WWOX: variants seen among roughly 807,000 people sequenced by gnomAD.
The protein encoded by WWOX is WW domain containing oxidoreductase, also known as WW domain-containing oxidoreductase.
In WWOX, 69 loss-of-function variants were observed where a neutral mutation model predicts 46.2. The observed-to-expected ratio is 1.49, with a 90% CI of 1.23 to 1.82. WWOX has a LOEUF of 1.82. WWOX is among the 40% of genes most tolerant of loss of function. The probability of loss-of-function intolerance (pLI) is 0.00; values close to 1 mark genes in which losing one functional copy is unlikely to be tolerated. For synonymous variants in WWOX, 359 were observed against 202.6 expected, an observed-to-expected ratio of 1.77 and a Z score of -6.56; for missense variants, 919 against 542.6, an observed-to-expected ratio of 1.69 and a Z score of -6.89.
chr16:78,915,366 G>A (rs1054300626), intron 8 of WWOX, among the ~76,000 whole-genome samples: 5 of 152,124 alleles, frequency 3.3e-5, no homozygotes, highest in African/African-American at 9.7e-5. Flanking sequence ...CCCTTTCACG[G>A]GAGGCTGGGA....
intron 8 of WWOX, among the ~76,000 whole-genome samples, chr16:78,719,408 G>A (rs2048642010): frequency 6.6e-6 from 1 of 152,224 alleles, no homozygotes; most frequent in South Asian, 2.1e-4. Context: ...ATAATCAGAA[G>A]CTTGCCTTAC....
chr16:78,501,771 A>C (rs894769282), intron 8 of WWOX, among the ~76,000 whole-genome samples: 1 of 152,088 alleles, frequency 6.6e-6, no homozygotes, highest in African/African-American at 2.4e-5. Flanking sequence ...TCCTGACCTG[A>C]AGTGATCCAC....
At chr16:78,870,411 G>C (rs145993661) in intron 8 of WWOX, among the ~76,000 whole-genome samples, 1 of 151,922 alleles carries the variant, frequency 6.6e-6, no homozygotes, top group African/African-American at 2.4e-5. Flanking sequence ...GAAGACTAAG[G>C]TCCAAGCTTG....
rs527573124 is a variant in WWOX, at chr16:78,590,050, A to T, written c.1056+157298A>T. Among the ~76,000 whole-genome samples the T allele has an allele frequency of 1.8e-3, 270 of 152,310 alleles. 2 individuals are homozygous for T. Among genetic ancestry groups the T allele is most frequent in the African/African-American group, 6.2e-3 (259 of 41,576 alleles). On this transcript the variant is annotated intron_variant, in intron 8 of 8. Transcript: ENST00000566780. The stretch of plus-strand genomic sequence containing the variant: ...ACGCACTGTGATAAGTCCTAGGATT[A>T]TAGAAGTCAATAAGCTATGATGCCT...
chr16:78,769,211 A>C (rs1366185397), intron 8 of WWOX, among the ~76,000 whole-genome samples: 1 of 152,212 alleles, frequency 6.6e-6, no homozygotes, highest in Admixed American at 6.5e-5. Flanking sequence ...CTATTTCATG[A>C]GTGCTTACTA....
At chr16:79,148,622 G>C (rs942365374) in intron 8 of WWOX, among the ~76,000 whole-genome samples, 4 of 152,108 alleles carry the variant, frequency 2.6e-5, no homozygotes, top group Non-Finnish European at 4.4e-5. Flanking sequence ...TTTTAATGGG[G>C]TTTAAATCTA....
intron 8 of WWOX, among the ~76,000 whole-genome samples, chr16:78,484,298 A>T (rs1316663100): frequency 6.6e-6 from 1 of 152,178 alleles, no homozygotes; most frequent in Non-Finnish European, 1.5e-5. Context: ...TTGAAATTGT[A>T]GATTATTTTC....
chr16:78,131,635 G>T (rs182487574), intron 4 of WWOX, among the ~76,000 whole-genome samples: 76 of 151,736 alleles, frequency 5.0e-4, no homozygotes, highest in Admixed American at 8.5e-4. Flanking sequence ...AGGATGGAGT[G>T]CAATGGCCCG....
chr16:78,926,447 T>G (rs1405642043), intron 8 of WWOX, among the ~76,000 whole-genome samples: 2 of 152,166 alleles, frequency 1.3e-5, no homozygotes, highest in Non-Finnish European at 1.5e-5. Context: ...ATAATTTCTC[T>G]TGGTTACTGA....
intron 8 of WWOX, among the ~76,000 whole-genome samples, chr16:78,824,570 C>T (rs1381577787): frequency 1.3e-5 from 2 of 152,054 alleles, no homozygotes; most frequent in East Asian, 1.9e-4. Flanking sequence ...ATTGGACTTA[C>T]AGTTCCGCAC....
intron 8 of WWOX, chr16:78,825,138 C>G (rs973234330): frequency 2.6e-5 from 4 of 155,156 alleles, no homozygotes; most frequent in African/African-American, 2.4e-5. Flanking sequence ...TTCATAAGGT[C>G]ATAGAGCAAC....
chr16:78,659,935 T>A (rs181608609), intron 8 of WWOX, among the ~76,000 whole-genome samples: 1 of 152,318 alleles, frequency 6.6e-6, no homozygotes, highest in East Asian at 1.9e-4. Context: ...CCACCAGAAA[T>A]TTAACATGCT....
intron 8 of WWOX, among the ~76,000 whole-genome samples, chr16:78,966,916 A>G (rs1296312064): frequency 6.6e-6 from 1 of 152,184 alleles, no homozygotes; most frequent in Non-Finnish European, 1.5e-5. Flanking sequence ...TTGTAGATAA[A>G]AAGCGTCTGC....
At chr16:78,601,024 A>C (rs1481122620) in intron 8 of WWOX, among the ~76,000 whole-genome samples, 1 of 151,972 alleles carries the variant, frequency 6.6e-6, no homozygotes, top group Non-Finnish European at 1.5e-5. Context: ...TGCACCCTCA[A>C]CCTCGTTCAG....
intron 8 of WWOX, among the ~76,000 whole-genome samples, chr16:79,097,460 C>T (rs531248675): frequency 3.1e-4 from 47 of 151,526 alleles, no homozygotes; most frequent in Non-Finnish European, 4.7e-4. Flanking sequence ...ATCTAATAGT[C>T]ACACATTACA....
At chr16:78,245,971 A>T (rs1363270479) in intron 5 of WWOX, among the ~76,000 whole-genome samples, 1 of 152,226 alleles carries the variant, frequency 6.6e-6, no homozygotes, top group African/African-American at 2.4e-5. Flanking sequence ...ATTAAGAAGC[A>T]TTCAAAGACT....
chr16:78,728,991 A>G (rs2048900165), intron 8 of WWOX, among the ~76,000 whole-genome samples: 1 of 152,128 alleles, frequency 6.6e-6, no homozygotes, highest in African/African-American at 2.4e-5. Context: ...CTTTAGTAAA[A>G]GTGTAGTGGT....
At chr16:78,394,124 A>G (rs2082236799) in intron 6 of WWOX, among the ~76,000 whole-genome samples, 1 of 152,212 alleles carries the variant, frequency 6.6e-6, no homozygotes, top group Non-Finnish European at 1.5e-5. Flanking sequence ...TAAATTACAT[A>G]TTAATCTTTC....
chr16:78,955,568 C>G (rs974092299), intron 8 of WWOX, among the ~76,000 whole-genome samples: 8 of 151,992 alleles, frequency 5.3e-5, no homozygotes, highest in African/African-American at 1.9e-4. Context: ...GCAAATCATT[C>G]ATATTTACTT....
Sources: gnomAD v4.1 joint callset for allele counts (sites outside exome capture counted in the v4.1 genomes callset) on GRCh38, gnomAD v4.1.1 for gene constraint, MANE v1.5 for transcripts, NCBI Gene and HGNC (gene_info 2026-07-23, HGNC 2026-07-21) for gene names.